DOK6: variants seen among roughly 807,000 people sequenced by gnomAD.
DOK6 encodes downstream of tyrosine kinase 6.
A neutral mutation model predicts 44.0 loss-of-function variants in DOK6; 22 were observed. That is an observed-to-expected ratio of 0.50 (90% CI 0.36 to 0.71). The LOEUF is 0.71. DOK6 is among the 30% of genes least tolerant of loss of function. DOK6 has a pLI of 0.00. For synonymous variants in DOK6, 166 were observed against 145.5 expected, an observed-to-expected ratio of 1.14 and a Z score of -1.01; for missense variants, 340 against 416.4, an observed-to-expected ratio of 0.82 and a Z score of 1.60.
chr18:69,582,705 G>A (rs1425084240), intron 2 of DOK6, among the ~76,000 whole-genome samples: 1 of 152,120 alleles, frequency 6.6e-6, no homozygotes, highest in Non-Finnish European at 1.5e-5. Flanking sequence ...TCATTACAGT[G>A]AGTTTGATGG....
intron 3 of DOK6, among the ~76,000 whole-genome samples, chr18:69,651,506 T>C (rs959206178): frequency 1.4e-5 from 2 of 144,562 alleles, no homozygotes; most frequent in African/African-American, 5.4e-5. Flanking sequence ...TTTTTTTTTT[T>C]AAGACAGAGT....
At chr18:69,837,935 T>C (rs1982097931) in intron 7 of DOK6, among the ~76,000 whole-genome samples, 1 of 152,214 alleles carries the variant, frequency 6.6e-6, no homozygotes, top group South Asian at 2.1e-4. Context: ...TTGATGTTTA[T>C]TGTTGTCTGT....
chr18:69,725,556 C>T (rs971528674), intron 5 of DOK6, among the ~76,000 whole-genome samples: 51 of 152,302 alleles, frequency 3.3e-4, no homozygotes, highest in African/African-American at 9.9e-4. Flanking sequence ...GGCACGATCT[C>T]GGCTCACTGC....
intron 1 of DOK6, among the ~76,000 whole-genome samples, chr18:69,477,220 G>C (rs759142326): frequency 5.9e-5 from 9 of 152,050 alleles, no homozygotes; most frequent in African/African-American, 2.2e-4. Context: ...ATCTTTTGGG[G>C]GATCCTATCA....
At position 69,848,019 on chromosome 18, in the gene DOK6, TCACACACACACACACACACACACACACA is replaced by T. The variant is rs59389862; in HGVS notation, c.*6653_*6680del. On this transcript the variant is annotated 3_prime_UTR_variant, in exon 8 of 8. Transcript: ENST00000382713. ...CCTCCACCCCAACCTTAGTGCATGC[TCACACACACACACACACACACACACACA>T]CACACACACACACACATTTTTGGCT... 7.0e-6 allele frequency: 1 copy of T among 143,620 alleles called. No homozygotes were observed. The highest frequency in any genetic ancestry group is 2.6e-5 in the African/African-American group (1 of 38,178). 8.9% of individuals were successfully genotyped at this position (143,620 alleles called of 1,614,324 possible). A position where few individuals can be genotyped will look rare whatever the true frequency, so the allele number is the denominator to read the frequency against.
intron 5 of DOK6, among the ~76,000 whole-genome samples, chr18:69,705,785 T>C (rs763963417): frequency 3.3e-5 from 5 of 152,320 alleles, no homozygotes; most frequent in Non-Finnish European, 5.9e-5. Flanking sequence ...AAGAGCCTCT[T>C]TCTTTTTAGT....
intron 1 of DOK6, among the ~76,000 whole-genome samples, chr18:69,458,448 G>A (rs1463034764): frequency 1.3e-5 from 2 of 152,262 alleles, no homozygotes; most frequent in Non-Finnish European, 2.9e-5. Flanking sequence ...CATACTGACT[G>A]GGTAAAAGCT....
At position 69,448,664 on chromosome 18, in the gene DOK6, G is replaced by A. The variant is rs144326333; in HGVS notation, c.66+47354G>A. 5.4e-3 allele frequency among the ~76,000 whole-genome samples: 829 copies of A among 152,210 alleles called. 2 individuals are homozygous for A. Among genetic ancestry groups the A allele is most frequent in the South Asian group, 0.011 (51 of 4,828 alleles). On this transcript the variant is annotated intron_variant, in intron 1 of 7. Coordinates refer to ENST00000382713, the MANE Select transcript of DOK6 (RefSeq NM_152721.6). The stretch of plus-strand genomic sequence containing the variant: ...GCTGGGATTACAGGTGTGAGCCACC[G>A]TGCCCAGCCCAAATTGATTCTTAAT...
At chr18:69,481,316 T>C (rs1031495327) in intron 1 of DOK6, among the ~76,000 whole-genome samples, 1 of 152,162 alleles carries the variant, frequency 6.6e-6, no homozygotes. Context: ...GTTGGTGTGC[T>C]GTACTCATTA....
intron 7 of DOK6, among the ~76,000 whole-genome samples, chr18:69,834,358 G>A (rs1234443095): frequency 6.6e-6 from 1 of 152,218 alleles, no homozygotes; most frequent in Non-Finnish European, 1.5e-5. Flanking sequence ...TAGAACGGTG[G>A]TTTCCAGAGG....
intron 4 of DOK6, among the ~76,000 whole-genome samples, chr18:69,683,913 C>T (rs17081507): frequency 0.049 from 7,428 of 152,258 alleles, 427 homozygotes; most frequent in African/African-American, 0.13. Context: ...GTGCCTCCTT[C>T]TGCACCTAAC....
intron 5 of DOK6, among the ~76,000 whole-genome samples, chr18:69,716,680 C>T (rs1305497602): frequency 8.5e-6 from 1 of 117,524 alleles, no homozygotes; most frequent in African/African-American, 3.4e-5. Context: ...AACAGATTCT[C>T]TGCAGAATTG....
At chr18:69,819,981 A>G (rs1981519888) in intron 7 of DOK6, among the ~76,000 whole-genome samples, 1 of 152,208 alleles carries the variant, frequency 6.6e-6, no homozygotes, top group African/African-American at 2.4e-5. Flanking sequence ...AAGAAAGTTT[A>G]TGGATTTGTG....
chr18:69,677,783 G>T lies in DOK6; in HGVS notation c.339G>T (p.Gly113=). ...WCKHLCMECL[G]TRLNDISLGE... ...AGCACCTCTGCATGGAGTGTCTGGG[G>T]ACCAGGCTCAATGATATCAGCCTTG... The change falls in exon 4 of 8, where the codon GGG becomes GGT. Residue 113 remains glycine (G), a synonymous_variant. Transcript: ENST00000382713. 2 of 1,613,810 alleles carry T rather than the reference G, an allele frequency of 1.2e-6. No homozygotes were observed. The highest frequency in any genetic ancestry group is 1.1e-5 in the South Asian group (1 of 91,058).
At chr18:69,826,533 C>T (rs1981746288) in intron 7 of DOK6, among the ~76,000 whole-genome samples, 1 of 152,078 alleles carries the variant, frequency 6.6e-6, no homozygotes, top group Non-Finnish European at 1.5e-5. Flanking sequence ...GTTGCTAAAC[C>T]CACCTAGAAA....
chr18:69,491,193 A>T (rs1457430298), intron 1 of DOK6, among the ~76,000 whole-genome samples: 1 of 152,260 alleles, frequency 6.6e-6, no homozygotes, highest in Non-Finnish European at 1.5e-5. Flanking sequence ...AATAAACACA[A>T]TGAAAGGAAA....
At chr18:69,566,345 C>T (rs1599196286) in intron 2 of DOK6, among the ~76,000 whole-genome samples, 1 of 152,086 alleles carries the variant, frequency 6.6e-6, no homozygotes, top group African/African-American at 2.4e-5. Flanking sequence ...ACCGTGTTAG[C>T]CAGGATGGTC....
intron 1 of DOK6, among the ~76,000 whole-genome samples, chr18:69,471,279 A>AAAG (rs1980097959): frequency 3.5e-5 from 5 of 144,062 alleles, no homozygotes; most frequent in Admixed American, 1.4e-4. Flanking sequence ...AAAAAAAAAA[A>AAAG]GGGGTGATTT....
chr18:69,569,039 TC>T (rs1477713305), intron 2 of DOK6, among the ~76,000 whole-genome samples: 1 of 151,752 alleles, frequency 6.6e-6, no homozygotes, highest in African/African-American at 2.4e-5. Context: ...CCCGAAACTG[TC>T]CCCCAGCCCC....
Sources: gnomAD v4.1 joint callset for allele counts (sites outside exome capture counted in the v4.1 genomes callset) on GRCh38, gnomAD v4.1.1 for gene constraint, MANE v1.5 for transcripts, NCBI Gene and HGNC (gene_info 2026-07-23, HGNC 2026-07-21) for gene names.